Variants in ROBO1 observed in about 807,000 individuals in gnomAD.
ROBO1 encodes the protein roundabout guidance receptor 1, also known as roundabout homolog 1.
A neutral mutation model predicts 195.9 loss-of-function variants in ROBO1; 149 were observed. The ratio of observed to expected loss-of-function variants is 0.76; its 90% CI spans 0.67 to 0.87. ROBO1 has a LOEUF of 0.87. ROBO1 is among the 40% of genes least tolerant of loss of function. The pLI is 0.00. For missense variants in ROBO1, 1,933 were observed against 2,068.3 expected (o/e 0.93, Z 1.27); for synonymous variants, 816 against 733.2 (o/e 1.11, Z -1.82).
At chr3:78,949,394 A>G (rs1359231286) in intron 3 of ROBO1, among the ~76,000 whole-genome samples, 1 of 144,402 alleles carries the variant, frequency 6.9e-6, no homozygotes, top group Non-Finnish European at 1.5e-5. Flanking sequence ...AAACCTGACA[A>G]AAACAAGCAA....
chr3:78,667,841 A>T, intron 14 of ROBO1, 42 bp downstream of exon 14: 2 of 1,571,928 alleles, frequency 1.3e-6, no homozygotes, highest in South Asian at 2.3e-5. Context: ...ATAACATCTA[A>T]GGATAAGTAG....
intron 1 of ROBO1, among the ~76,000 whole-genome samples, chr3:79,597,279 A>G (rs988377067): frequency 6.6e-6 from 1 of 151,950 alleles, no homozygotes; most frequent in African/African-American, 2.4e-5. Flanking sequence ...CGTGCTTTTC[A>G]CTTGAAATTT....
chr3:79,423,642 C>G (rs2038324730), intron 2 of ROBO1, among the ~76,000 whole-genome samples: 1 of 152,020 alleles, frequency 6.6e-6, no homozygotes, highest in Non-Finnish European at 1.5e-5. Context: ...TGACTTGATA[C>G]ATGGGCTTAT....
At chr3:79,482,741 A>G (rs1289238253) in intron 2 of ROBO1, among the ~76,000 whole-genome samples, 1 of 152,224 alleles carries the variant, frequency 6.6e-6, no homozygotes, top group Non-Finnish European at 1.5e-5. Flanking sequence ...ATGCTAAAAA[A>G]CAGATCTTCT....
At chr3:79,297,627 C>T (rs2032664465) in intron 2 of ROBO1, among the ~76,000 whole-genome samples, 1 of 152,000 alleles carries the variant, frequency 6.6e-6, no homozygotes, top group Admixed American at 6.6e-5. Context: ...TATGTTAGCT[C>T]CCATGGGAAG....
At chr3:79,727,059 C>T (rs1037654597) in intron 1 of ROBO1, among the ~76,000 whole-genome samples, 1 of 152,100 alleles carries the variant, frequency 6.6e-6, no homozygotes, top group East Asian at 1.9e-4. Flanking sequence ...GGGTAACATC[C>T]GTGTCTAGAC....
intron 2 of ROBO1, among the ~76,000 whole-genome samples, chr3:79,414,061 CCTA>C (rs1249872147): frequency 6.6e-6 from 1 of 152,022 alleles, no homozygotes; most frequent in Non-Finnish European, 1.5e-5. Flanking sequence ...TTTATATACT[CCTA>C]ATAATGTATA....
intron 2 of ROBO1, among the ~76,000 whole-genome samples, chr3:79,391,033 G>T (rs368552963): frequency 3.3e-5 from 5 of 151,460 alleles, no homozygotes; most frequent in Non-Finnish European, 7.4e-5. Flanking sequence ...GGTGGCTCAT[G>T]CCTGTAATCC....
At chr3:78,702,361 G>T (rs1182141207) in intron 8 of ROBO1, among the ~76,000 whole-genome samples, 1 of 152,080 alleles carries the variant, frequency 6.6e-6, no homozygotes, top group Non-Finnish European at 1.5e-5. Context: ...TCATCATAAG[G>T]TAAAGGTGTT....
At chr3:78,932,119 G>A (rs2039565862) in intron 4 of ROBO1, among the ~76,000 whole-genome samples, 1 of 152,130 alleles carries the variant, frequency 6.6e-6, no homozygotes, top group South Asian at 2.1e-4. Context: ...GTTAGTCTAT[G>A]AATATGAGAA....
chr3:78,805,534 A>T (rs571424472), intron 4 of ROBO1, among the ~76,000 whole-genome samples: 1 of 152,196 alleles, frequency 6.6e-6, no homozygotes, highest in Admixed American at 6.5e-5. Flanking sequence ...TACTCACAAT[A>T]GTATCCAAAT....
At chr3:78,611,463 C>T (rs777335871) in intron 28 of ROBO1, among the ~76,000 whole-genome samples, 4 of 152,302 alleles carry the variant, frequency 2.6e-5, no homozygotes, top group Non-Finnish European at 5.9e-5. Context: ...TATCCTAATC[C>T]TACCCTTTAT....
chr3:78,996,614 T>C (rs2077372696), intron 3 of ROBO1, among the ~76,000 whole-genome samples: 3 of 152,088 alleles, frequency 2.0e-5, no homozygotes, highest in Non-Finnish European at 4.4e-5. Context: ...ACTGATGTAT[T>C]GATAAAACCC....
intron 3 of ROBO1, among the ~76,000 whole-genome samples, chr3:78,989,434 C>T (rs1230210568): frequency 6.6e-6 from 1 of 152,024 alleles, no homozygotes; most frequent in African/African-American, 2.4e-5. Flanking sequence ...GCCAACATGG[C>T]AAAACCTTGT....
In ROBO1 at chr3:79,361,748, C is replaced by T. The variant is rs72898069; in HGVS notation, c.88+228076G>A. Among the ~76,000 whole-genome samples the T allele has an allele frequency of 7.8e-3, 1,189 of 152,132 alleles. 9 individuals carry two copies. Among genetic ancestry groups the T allele is most frequent in the African/African-American group, 0.027 (1,121 of 41,542 alleles). On this transcript the variant is annotated intron_variant, in intron 2 of 30. Transcript: ENST00000464233. ...ATTTACACATATGAAAAACTCATTGCATACTTACAAGTGTGATTATTTTCT... is the reference window on the plus strand; with the variant it reads ...ATTTACACATATGAAAAACTCATTGTATACTTACAAGTGTGATTATTTTCT...
intron 4 of ROBO1, among the ~76,000 whole-genome samples, chr3:78,751,912 A>G (rs950068040): frequency 6.6e-6 from 1 of 152,114 alleles, no homozygotes; most frequent in Non-Finnish European, 1.5e-5. Context: ...AAATAGGGGA[A>G]GATATTCTGC....
intron 3 of ROBO1, among the ~76,000 whole-genome samples, chr3:79,080,102 G>T (rs543898086): frequency 1.3e-5 from 2 of 151,798 alleles, no homozygotes; most frequent in South Asian, 2.1e-4. Context: ...GTGTTACAGG[G>T]TTGATACTAA....
rs1230966306 is a variant in ROBO1, at chr3:79,434,235, G to A, written c.88+155589C>T. On this transcript the variant is annotated intron_variant, in intron 2 of 30. Coordinates refer to ENST00000464233, the MANE Select transcript of ROBO1 (RefSeq NM_002941.4). ...ACAAATGGGATCTATTTAAACTAAA[G>A]AGCTTCTGCACAGCAAAAGAAACTA... Among the ~76,000 whole-genome samples the A allele has an allele frequency of 2.0e-5, 3 of 152,130 alleles. No homozygotes were observed. In the East Asian group the frequency reaches 5.8e-4, roughly 29 times the overall value.
intron 2 of ROBO1, among the ~76,000 whole-genome samples, chr3:79,277,272 G>C (rs1338156366): frequency 6.6e-6 from 1 of 152,036 alleles, no homozygotes; most frequent in Admixed American, 6.6e-5. Flanking sequence ...ATACACAATA[G>C]AGTACTATTC....
Sources: gnomAD v4.1 joint callset for allele counts (sites outside exome capture counted in the v4.1 genomes callset) on GRCh38, gnomAD v4.1.1 for gene constraint, MANE v1.5 for transcripts, NCBI Gene and HGNC (gene_info 2026-07-23, HGNC 2026-07-21) for gene names.